INIP: variants seen among roughly 807,000 people sequenced by gnomAD.
INIP encodes the protein SOSS complex subunit C.
In INIP, 9 loss-of-function variants were observed where a neutral mutation model predicts 14.0. That is an observed-to-expected ratio of 0.64 (90% CI 0.39 to 1.12). The LOEUF (loss-of-function observed/expected upper bound fraction) is 1.12, where lower values mean the gene tolerates loss of function less well. Among genes scored for constraint, INIP ranks in the 50% most tolerant of loss-of-function variants. The pLI, the probability that INIP is intolerant of heterozygous loss-of-function variation, is 0.01. For synonymous variants in INIP, 37 were observed against 41.5 expected (o/e 0.89, Z 0.41); for missense variants, 78 against 122.7 (o/e 0.64, Z 1.72).
At chr9:112,688,973 A>G (rs1837783039) in intron 4 of INIP, among the ~76,000 whole-genome samples, 1 of 152,198 alleles carries the variant, frequency 6.6e-6, no homozygotes, top group Non-Finnish European at 1.5e-5. Flanking sequence ...CAAAGTCTCT[A>G]GAAATCTTAA....
chr9:112,695,790 GA>G (rs2131290928), intron 2 of INIP, among the ~76,000 whole-genome samples: 1 of 142,524 alleles, frequency 7.0e-6, no homozygotes, highest in African/African-American at 2.6e-5. Context: ...GGGGGAGGGG[GA>G]GGGGGAGGAG....
chr9:112,702,341 A>G (rs1838324744), intron 2 of INIP, among the ~76,000 whole-genome samples: 1 of 152,228 alleles, frequency 6.6e-6, no homozygotes, highest in South Asian at 2.1e-4. Flanking sequence ...AATCTGATCA[A>G]TAATGTTCAT....
chr9:112,701,841 G>C (rs528963184), intron 2 of INIP: 5 of 152,512 alleles, frequency 3.3e-5, no homozygotes, highest in African/African-American at 1.2e-4. Context: ...CCTGAGGCCA[G>C]GAGTTCAAGA....
At chr9:112,700,360 A>AGGCCCCTGGGATTTTTCCATGG in intron 2 of INIP, among the ~76,000 whole-genome samples, 1 of 152,110 alleles carries the variant, frequency 6.6e-6, no homozygotes, top group East Asian at 1.9e-4. Context: ...ATTTTCCATG[A>AGGCCCCTGGGATTTTTCCATGG]GGCCCCTGGG....
intron 2 of INIP, among the ~76,000 whole-genome samples, chr9:112,695,927 G>A (rs1329452359): frequency 6.6e-6 from 1 of 152,018 alleles, no homozygotes; most frequent in Non-Finnish European, 1.5e-5. Flanking sequence ...TTGTTCTGTA[G>A]CCCAGACTGG....
chr9:112,689,058 C>T (rs1045602618), intron 4 of INIP, among the ~76,000 whole-genome samples: 9 of 151,534 alleles, frequency 5.9e-5, no homozygotes, highest in African/African-American at 2.2e-4. Flanking sequence ...GACGAAGCAC[C>T]ACATTTCTAG....
chr9:112,715,506 G>A (rs1838782490), intron 2 of INIP, among the ~76,000 whole-genome samples: 1 of 152,138 alleles, frequency 6.6e-6, no homozygotes, highest in Non-Finnish European at 1.5e-5. Flanking sequence ...AGGCACAGTG[G>A]CTCATGCCTG....
chr9:112,695,957 A>G (rs1838076218), intron 2 of INIP, among the ~76,000 whole-genome samples: 1 of 152,064 alleles, frequency 6.6e-6, no homozygotes, highest in Admixed American at 6.6e-5. Context: ...GTGTGATCAT[A>G]TCTCACTGCA....
chr9:112,714,415 T>G (rs1018492535), intron 2 of INIP, among the ~76,000 whole-genome samples: 1 of 152,188 alleles, frequency 6.6e-6, no homozygotes, highest in Non-Finnish European at 1.5e-5. Flanking sequence ...CCAAGTGAGA[T>G]TCAATACTTT....
chr9:112,683,959 ATTCC>A lies in INIP; in HGVS notation c.*3575_*3578del, dbSNP rs1483983542. The A allele has an allele frequency of 3.1e-5, 4 of 131,030 alleles. No homozygotes were observed. The highest frequency in any genetic ancestry group is 2.3e-4 in the South Asian group (1 of 4,282). 8.1% of individuals were successfully genotyped at this position (131,030 alleles called of 1,614,324 possible). A position where few individuals can be genotyped will look rare whatever the true frequency, so the allele number is the denominator to read the frequency against. On this transcript the variant is annotated 3_prime_UTR_variant, in exon 5 of 5. Coordinates refer to ENST00000374242, the MANE Select transcript of INIP (RefSeq NM_021218.3). ...AAATCACTAAGTCATTTCAGTTTTT[ATTCC>A]AGGGTCAAAGCACTGACATCTGCAT...
intron 4 of INIP, among the ~76,000 whole-genome samples, chr9:112,688,991 A>C (rs1346234413): frequency 6.6e-6 from 1 of 152,234 alleles, no homozygotes; most frequent in Non-Finnish European, 1.5e-5. Context: ...TAAATTATTC[A>C]AGATGAGACT....
chr9:112,709,406 G>A (rs982678770), intron 2 of INIP, among the ~76,000 whole-genome samples: 2 of 151,946 alleles, frequency 1.3e-5, no homozygotes, highest in African/African-American at 4.8e-5. Context: ...AAGGAACGTG[G>A]GACATGGAAT....
chr9:112,710,093 T>C (rs1180843201), intron 2 of INIP, among the ~76,000 whole-genome samples: 1 of 152,242 alleles, frequency 6.6e-6, no homozygotes. Context: ...TGGCATACTT[T>C]AGTATAAACG....
chr9:112,704,028 C>T (rs1169821167), intron 2 of INIP, among the ~76,000 whole-genome samples: 2 of 152,030 alleles, frequency 1.3e-5, no homozygotes, highest in African/African-American at 4.8e-5. Flanking sequence ...TTTGTTTCTC[C>T]TGTTAAGTAT....
intron 3 of INIP, 65 bp from the exon 4 acceptor site, chr9:112,689,682 G>A (rs1347845960): frequency 8.1e-7 from 1 of 1,227,816 alleles, no homozygotes; most frequent in Non-Finnish European, 1.2e-6. Context: ...TTTTTGGATG[G>A]TAGTAAATTA....
At chr9:112,716,406 T>C (rs1261239102) in intron 2 of INIP, 55 bp downstream of exon 2, 1 of 1,511,934 alleles carries the variant, frequency 6.6e-7, no homozygotes, top group Non-Finnish European at 9.2e-7. Flanking sequence ...CTTATTCAAA[T>C]ACATTTACTA....
Position 112,687,501 on chromosome 9 carries a change from A to T in INIP, c.*37T>A. On this transcript the variant is annotated 3_prime_UTR_variant, in exon 5 of 5. Transcript: ENST00000374242. ...TGAATGATAGTAGCTTTGGCATTTGATATTACAAAGTCACTTTTCCATCGC... is the reference window on the plus strand; with the variant it reads ...TGAATGATAGTAGCTTTGGCATTTGTTATTACAAAGTCACTTTTCCATCGC... 1 of 1,274,348 alleles carries T rather than the reference A, an allele frequency of 7.8e-7. No individual in the cohort carries two copies. The highest frequency in any genetic ancestry group is 1.7e-5 in the Admixed American group (1 of 59,090). The allele number at this position is 1,274,348 out of a possible 1,614,324, so 78.9% of individuals were successfully genotyped here. A position where few individuals can be genotyped will look rare whatever the true frequency, so the allele number is the denominator to read the frequency against.
chr9:112,705,920 CAG>C (rs748325035), intron 2 of INIP, among the ~76,000 whole-genome samples: 20 of 152,206 alleles, frequency 1.3e-4, no homozygotes, highest in Non-Finnish European at 2.4e-4. Context: ...GGGAGCTACT[CAG>C]AGTATTTAGA....
chr9:112,717,247 T>A (rs112355247), intron 1 of INIP, among the ~76,000 whole-genome samples: 1 of 152,206 alleles, frequency 6.6e-6, no homozygotes, highest in Non-Finnish European at 1.5e-5. Context: ...CAAAAACTAC[T>A]GTGTACACTG....
Sources: gnomAD v4.1 joint callset for allele counts (sites outside exome capture counted in the v4.1 genomes callset) on GRCh38, gnomAD v4.1.1 for gene constraint, MANE v1.5 for transcripts, NCBI Gene and HGNC (gene_info 2026-07-23, HGNC 2026-07-21) for gene names.